Variants in ELOVL4 observed in about 807,000 individuals in gnomAD.
ELOVL4 encodes the protein ELOVL fatty acid elongase 4, also known as very long chain fatty acid elongase 4.
Under a neutral mutation model 42.1 loss-of-function variants are expected in ELOVL4, and 18 were observed. The ratio of observed to expected loss-of-function variants is 0.43; its 90% CI spans 0.30 to 0.63. The LOEUF is 0.63. ELOVL4 is among the 30% of genes least tolerant of loss of function. ELOVL4 has a pLI of 0.15. For missense variants in ELOVL4, 299 were observed against 376.2 expected (o/e 0.79, Z 1.70); for synonymous variants, 117 against 127.0 (o/e 0.92, Z 0.53).
At chr6:79,925,130 C>T in intron 2 of ELOVL4, 98 bp from the exon 3 acceptor site, 7 of 835,956 alleles carry the variant, frequency 8.4e-6, no homozygotes, top group African/African-American at 3.4e-5. Flanking sequence ...TTATTTTAAA[C>T]ACAATATTTT....
At position 79,916,163 on chromosome 6, in the gene ELOVL4, G is replaced by A; in HGVS notation, c.*445C>T. The A allele has an allele frequency of 1.6e-5, 3 of 184,388 alleles. No homozygotes were observed. In the South Asian group the frequency reaches 3.4e-4, roughly 21 times the overall value. 11.4% of individuals were successfully genotyped at this position (184,388 alleles called of 1,614,324 possible). A position where few individuals can be genotyped will look rare whatever the true frequency, so the allele number is the denominator to read the frequency against. On this transcript the variant is annotated 3_prime_UTR_variant, in exon 6 of 6. Transcript: ENST00000369816. Reference sequence around the variant, plus strand: ...AAGTTTAAGTGTATACACATTTTCAGCTTTGGACAAGAAAATGTAACACCA... The same window carrying A: ...AAGTTTAAGTGTATACACATTTTCAACTTTGGACAAGAAAATGTAACACCA...
At position 79,919,288 on chromosome 6, in the gene ELOVL4, T is replaced by C. The variant is rs1774210648; in HGVS notation, c.669+132A>G. On this transcript the variant is annotated intron_variant, in intron 5 of 5. Coordinates refer to ENST00000369816, the MANE Select transcript of ELOVL4 (RefSeq NM_022726.4). The stretch of plus-strand genomic sequence containing the variant: ...TCATCTAGAGTCAAGTGGGCATAAC[T>C]GCGATATAGCTGGAGGATAAAGTTA... 8.9e-6 allele frequency: 9 copies of C among 1,015,118 alleles called. No homozygotes were observed. In the South Asian group the frequency reaches 9.8e-5, roughly 11 times the overall value. The allele number at this position is 1,015,118 out of a possible 1,614,324, so 62.9% of individuals were successfully genotyped here. A position where few individuals can be genotyped will look rare whatever the true frequency, so the allele number is the denominator to read the frequency against.
chr6:79,926,310 G>A lies in ELOVL4; in HGVS notation c.172C>T (p.Leu58=). 6.2e-7 allele frequency: 1 copy of A among 1,614,016 alleles called. No individual in the cohort carries two copies. The highest frequency in any genetic ancestry group is 8.5e-7 in the Non-Finnish European group (1 of 1,179,962). ...CATTTTGGACCCAGCCACACAAACA[G>A]GAGATAAAGAGTGCTTATACTTAGT... ...PTLSISTLYL[L]FVWLGPKWMK... is the part of the protein sequence containing the mutation. Residue 58 remains leucine, a synonymous_variant, in exon 2 of 6, where the codon CTG becomes TTG. Coordinates refer to ENST00000369816, the MANE Select transcript of ELOVL4 (RefSeq NM_022726.4).
At chr6:79,929,659 T>A (rs961611971) in intron 1 of ELOVL4, among the ~76,000 whole-genome samples, 3 of 152,230 alleles carry the variant, frequency 2.0e-5, no homozygotes, top group Non-Finnish European at 4.4e-5. Flanking sequence ...TTTAGGTTTA[T>A]TTTAACTTCT....
intron 1 of ELOVL4, among the ~76,000 whole-genome samples, chr6:79,931,331 T>A (rs972697378): frequency 1.3e-5 from 2 of 152,180 alleles, no homozygotes; most frequent in Non-Finnish European, 2.9e-5. Context: ...TTAGAAATGA[T>A]CCCTTTATCT....
At chr6:79,917,585 C>T (rs140074241) in intron 5 of ELOVL4, among the ~76,000 whole-genome samples, 3,659 of 152,140 alleles carry the variant, frequency 0.024, 146 homozygotes, top group African/African-American at 0.082. Context: ...TCTGGGAGGC[C>T]GAGGCGGGTG....
At position 79,947,442 on chromosome 6, in the gene ELOVL4, G is replaced by T. The variant is rs374986643; in HGVS notation, c.-163C>A. On this transcript the variant is annotated 5_prime_UTR_variant, in exon 1 of 6. Transcript: ENST00000369816. ...CTGCTCCTCAAGGCGCCGCGGCGGC[G>T]GGGATGCGGCAGAAGGCAGGGCCAA... The T allele has an allele frequency of 3.8e-5, 25 of 649,498 alleles. No homozygotes were observed. The highest frequency in any genetic ancestry group is 1.9e-4 in the East Asian group (7 of 36,274). 40.2% of individuals were successfully genotyped at this position (649,498 alleles called of 1,614,324 possible). A position where few individuals can be genotyped will look rare whatever the true frequency, so the allele number is the denominator to read the frequency against.
Position 79,938,228 on chromosome 6 carries a change from A to G in ELOVL4, c.100+8952T>C, listed in dbSNP as rs79524499. On this transcript the variant is annotated intron_variant, in intron 1 of 5. Transcript: ENST00000369816. ...TGTTTCCAATTTTGCTGGGCTTCTC[A>G]GAAAAAGTAGTCATAAAACTTAATC... Among the ~76,000 whole-genome samples the G allele has an allele frequency of 4.7e-3, 719 of 152,350 alleles. 9 individuals carry two copies. Among genetic ancestry groups the G allele is most frequent in the African/African-American group, 0.016 (684 of 41,572 alleles).
chr6:79,919,008 A>T (rs929122050), intron 5 of ELOVL4, among the ~76,000 whole-genome samples: 7 of 152,206 alleles, frequency 4.6e-5, no homozygotes, highest in African/African-American at 1.7e-4. Flanking sequence ...AATGAAATAA[A>T]AAACAAAATT....
intron 1 of ELOVL4, among the ~76,000 whole-genome samples, chr6:79,927,833 A>G (rs2127699700): frequency 6.6e-6 from 1 of 152,338 alleles, no homozygotes; most frequent in East Asian, 1.9e-4. Context: ...ATATCACTCA[A>G]ATCAAACACA....
intron 1 of ELOVL4, among the ~76,000 whole-genome samples, chr6:79,943,902 G>A (rs1381456768): frequency 6.6e-6 from 1 of 152,110 alleles, no homozygotes; most frequent in Non-Finnish European, 1.5e-5. Flanking sequence ...CTACCAAGTA[G>A]ACAATTTTTT....
chr6:79,916,518 C>A lies in ELOVL4; in HGVS notation c.*90G>T. On this transcript the variant is annotated 3_prime_UTR_variant, in exon 6 of 6. Coordinates refer to ENST00000369816, the MANE Select transcript of ELOVL4 (RefSeq NM_022726.4). Reference sequence around the variant, plus strand: ...CACATTTGTCTTTTCTCCCCACCCCCAAGCTCTCCTTTGCTTCTGTTTTCC... The same window carrying A: ...CACATTTGTCTTTTCTCCCCACCCCAAAGCTCTCCTTTGCTTCTGTTTTCC... The A allele has an allele frequency of 6.6e-7, 1 of 1,525,192 alleles. No homozygotes were observed. Among genetic ancestry groups the A allele is most frequent in the Non-Finnish European group, 9.0e-7 (1 of 1,105,150 alleles). The allele number at this position is 1,525,192 out of a possible 1,614,324, so 94.5% of individuals were successfully genotyped here. A position where few individuals can be genotyped will look rare whatever the true frequency, so the allele number is the denominator to read the frequency against.
rs267601134 is a variant in ELOVL4 at position 79,921,674 on chromosome 6, C to T, written c.492G>A (p.Thr164=). Residue 164 remains threonine (T), a synonymous_variant, in exon 4 of 6, where the codon ACG becomes ACA. Coordinates refer to ENST00000369816, the MANE Select transcript of ELOVL4 (RefSeq NM_022726.4). The stretch of plus-strand genomic sequence containing the variant: ...TTCCAATCCACCACAAGGTAAACAT[C>T]GTACAGTGATGATACACATGAAGGA... ...VSFLHVYHHC[T]MFTLWWIGIK... 3.1e-6 allele frequency: 5 copies of T among 1,613,922 alleles called. No homozygotes were observed. The highest frequency in any genetic ancestry group is 2.2e-5 in the East Asian group (1 of 44,838).
chr6:79,946,588 G>C (rs993559211), intron 1 of ELOVL4, among the ~76,000 whole-genome samples: 2 of 152,062 alleles, frequency 1.3e-5, no homozygotes, highest in Non-Finnish European at 2.9e-5. Flanking sequence ...AAAATGCCTC[G>C]GAAACTAACA....
At chr6:79,941,353 C>T (rs980844942) in intron 1 of ELOVL4, among the ~76,000 whole-genome samples, 1 of 152,154 alleles carries the variant, frequency 6.6e-6, no homozygotes. Context: ...GAATTCTTCC[C>T]ATTCACTATA....
chr6:79,924,403 A>G (rs1482073016), intron 3 of ELOVL4, among the ~76,000 whole-genome samples: 11 of 152,234 alleles, frequency 7.2e-5, no homozygotes, highest in Non-Finnish European at 2.9e-5. Flanking sequence ...ACTGCATTCT[A>G]GTAATTCAAT....
intron 1 of ELOVL4, among the ~76,000 whole-genome samples, chr6:79,928,906 A>G: frequency 6.6e-6 from 1 of 151,708 alleles, no homozygotes; most frequent in Admixed American, 6.6e-5. Context: ...AAAAATGTTC[A>G]TTCTTTTTTA....
chr6:79,937,550 G>C (rs150589223), intron 1 of ELOVL4, among the ~76,000 whole-genome samples: 1 of 152,084 alleles, frequency 6.6e-6, no homozygotes, highest in African/African-American at 2.4e-5. Flanking sequence ...TAACGGTACC[G>C]AGCCCAATGG....
chr6:79,947,100 C>A, intron 1 of ELOVL4, 80 bp downstream of exon 1: 2 of 1,212,640 alleles, frequency 1.6e-6, no homozygotes, highest in Non-Finnish European at 2.4e-6. Context: ...CCTGTGGGGC[C>A]GGGCCCGGGA....
Sources: gnomAD v4.1 joint callset for allele counts (sites outside exome capture counted in the v4.1 genomes callset) on GRCh38, gnomAD v4.1.1 for gene constraint, MANE v1.5 for transcripts, NCBI Gene and HGNC (gene_info 2026-07-23, HGNC 2026-07-21) for gene names.